The following CYTH3 variants were observed in gnomAD, a reference collection of about 807,000 sequenced individuals.
CYTH3 encodes cytohesin-3.
CYTH3 carries 23 observed loss-of-function variants against 55.1 expected under a neutral mutation model. The ratio of observed to expected loss-of-function variants is 0.42; its 90% confidence interval spans 0.30 to 0.59. CYTH3 has a LOEUF of 0.59. Among genes scored for constraint, CYTH3 ranks in the 20% least tolerant of loss-of-function variants. The pLI, the probability that CYTH3 is intolerant of heterozygous loss-of-function variation, is 0.20. For missense variants in CYTH3, 413 were observed against 524.8 expected, an observed-to-expected ratio of 0.79 and a Z score of 2.08; for synonymous variants, 249 against 194.9, an observed-to-expected ratio of 1.28 and a Z score of -2.31.
chr7:6,248,777 G>A (rs1779889494), intron 1 of CYTH3, among the ~76,000 whole-genome samples: 1 of 152,228 alleles, frequency 6.6e-6, no homozygotes, highest in Non-Finnish European at 1.5e-5. Flanking sequence ...AGGAAACAGA[G>A]TGATGAGTCA....
chr7:6,264,618 C>G (rs1780440101), intron 1 of CYTH3, among the ~76,000 whole-genome samples: 1 of 152,154 alleles, frequency 6.6e-6, no homozygotes, highest in African/African-American at 2.4e-5. Flanking sequence ...TCTCAAAAAA[C>G]TAACAAAAAC....
intron 4 of CYTH3, among the ~76,000 whole-genome samples, chr7:6,180,796 C>A (rs1355967316): frequency 2.6e-5 from 4 of 152,122 alleles, no homozygotes; most frequent in Admixed American, 2.6e-4. Flanking sequence ...CCCACTACAC[C>A]TACTCTATCT....
intron 1 of CYTH3, among the ~76,000 whole-genome samples, chr7:6,210,648 G>C (rs997563159): frequency 6.6e-6 from 1 of 152,102 alleles, no homozygotes; most frequent in African/African-American, 2.4e-5. Context: ...CATGCTGCTG[G>C]TGTCCCCAAA....
rs778901451 is a variant in CYTH3 at position 6,165,729 on chromosome 7, C to A, written c.900+5G>T. The A allele has an allele frequency of 6.2e-7, 1 of 1,614,180 alleles. No homozygotes were observed. On this transcript the variant is annotated splice_donor_5th_base_variant and intron_variant, in intron 10 of 12. Coordinates refer to ENST00000350796, the MANE Select transcript of CYTH3 (RefSeq NM_004227.4). Reference sequence around the variant, plus strand: ...AGGCGGCAAGGAGGCCTGGCCCTTACTTACTGTTGTGTATTCAAAGTAATA... The same window carrying A: ...AGGCGGCAAGGAGGCCTGGCCCTTAATTACTGTTGTGTATTCAAAGTAATA...
chr7:6,196,359 A>G (rs1380160229), intron 1 of CYTH3, among the ~76,000 whole-genome samples: 1 of 152,184 alleles, frequency 6.6e-6, no homozygotes, highest in Non-Finnish European at 1.5e-5. Context: ...TCGAATGCCC[A>G]GAGAGATCAA....
chr7:6,190,427 GGT>G lies in CYTH3; in HGVS notation c.117+20_117+21del. 16 of 1,247,474 alleles carry G rather than the reference GGT, an allele frequency of 1.3e-5. No homozygotes were observed. The highest frequency in any genetic ancestry group is 3.7e-5 in the Admixed American group (1 of 26,862). The allele number at this position is 1,247,474 out of a possible 1,614,324, so 77.3% of individuals were successfully genotyped here. Reference sequence around the variant, plus strand: ...GCAAAAAACAGAGTTTTGGATTTTTGGTTTTTTTTTTTTTTTTTTACCTCAAT... The same window carrying G: ...GCAAAAAACAGAGTTTTGGATTTTTGTTTTTTTTTTTTTTTTTACCTCAAT... On this transcript the variant is annotated intron_variant, in intron 2 of 12. Coordinates refer to ENST00000350796, the MANE Select transcript of CYTH3 (RefSeq NM_004227.4).
At position 6,165,362 on chromosome 7, in the gene CYTH3, G is replaced by A. The variant is rs765997383; in HGVS notation, c.1038C>T (p.Ala346=). 49 of 1,614,036 alleles carry A rather than the reference G, an allele frequency of 3.0e-5. No individual in the cohort carries two copies. The highest frequency in any genetic ancestry group is 3.3e-4 in the Middle Eastern group (2 of 6,084). The change falls in exon 12 of 13, where the codon GCC becomes GCT. Residue 346 remains alanine, a synonymous_variant. Coordinates refer to ENST00000350796, the MANE Select transcript of CYTH3 (RefSeq NM_004227.4). ...GQVIKACKTE[A]DGRVVEGNHV... is the part of the protein sequence containing the mutation. ...GGTTCCCCTCTACCACGCGGCCGTC[G>A]GCCTCAGTCTTACAGGCCTTGATGA...
At chr7:6,186,243 CA>C (rs35117209) in intron 4 of CYTH3, among the ~76,000 whole-genome samples, 22,787 of 77,142 alleles carry the variant, frequency 0.3, 3,000 homozygotes, top group East Asian at 0.65. Context: ...GACTCTATCT[CA>C]AAAAAAAAAA....
intron 1 of CYTH3, among the ~76,000 whole-genome samples, chr7:6,194,918 T>C (rs1286192409): frequency 6.6e-6 from 1 of 151,888 alleles, no homozygotes; most frequent in Non-Finnish European, 1.5e-5. Flanking sequence ...GAAGTTGCAG[T>C]GAGCCGAGAT....
chr7:6,250,658 TG>T (rs1190845258), intron 1 of CYTH3, among the ~76,000 whole-genome samples: 1 of 152,162 alleles, frequency 6.6e-6, no homozygotes, highest in Non-Finnish European at 1.5e-5. Context: ...AAAAAGTCAA[TG>T]AATGACTGCC....
At chr7:6,259,781 TA>T (rs1346945988) in intron 1 of CYTH3, among the ~76,000 whole-genome samples, 3 of 19,122 alleles carry the variant, frequency 1.6e-4, no homozygotes, top group African/African-American at 9.3e-4. Flanking sequence ...ATTATATATA[TA>T]TAATATATAT....
intron 1 of CYTH3, among the ~76,000 whole-genome samples, chr7:6,201,849 C>T (rs1013465387): frequency 1.3e-5 from 2 of 151,692 alleles, no homozygotes; most frequent in Non-Finnish European, 2.9e-5. Flanking sequence ...GCTCAAAATG[C>T]CCAAATTGGG....
intron 1 of CYTH3, among the ~76,000 whole-genome samples, chr7:6,256,806 C>A (rs545263851): frequency 1.3e-5 from 2 of 152,298 alleles, no homozygotes; most frequent in African/African-American, 4.8e-5. Flanking sequence ...CAAGGGAGGG[C>A]AGGACACACC....
chr7:6,175,701 T>A (rs1783334633), intron 5 of CYTH3, among the ~76,000 whole-genome samples: 2 of 151,848 alleles, frequency 1.3e-5, no homozygotes, highest in East Asian at 3.9e-4. Context: ...ACACCTGCCA[T>A]CATGTCTGGC....
chr7:6,171,453 G>C lies in CYTH3; in HGVS notation c.450-139C>G. ...GCTCTGGCAGGGGCTTGGGGGCGCAGAGACAGAAAGGAGAAGACCCAGGAC... is the reference window on the plus strand; with the variant it reads ...GCTCTGGCAGGGGCTTGGGGGCGCACAGACAGAAAGGAGAAGACCCAGGAC... On this transcript the variant is annotated intron_variant, in intron 6 of 12. Transcript: ENST00000350796. The surrounding 1 kb of genome is among the most constrained non-coding windows in gnomAD (Gnocchi z 6.7). 1 of 674,438 alleles carries C rather than the reference G, an allele frequency of 1.5e-6. No homozygotes were observed. Among genetic ancestry groups the C allele is most frequent in the Admixed American group, 2.6e-5 (1 of 38,432 alleles). The allele number at this position is 674,438 out of a possible 1,614,324, so 41.8% of individuals were successfully genotyped here.
intron 1 of CYTH3, among the ~76,000 whole-genome samples, chr7:6,240,008 T>A (rs559931061): frequency 6.6e-6 from 1 of 152,230 alleles, no homozygotes; most frequent in Admixed American, 6.5e-5. Context: ...TTTAATGCAA[T>A]CAGAATGAAA....
At chr7:6,218,734 C>T (rs1026777228) in intron 1 of CYTH3, among the ~76,000 whole-genome samples, 1 of 152,068 alleles carries the variant, frequency 6.6e-6, no homozygotes, top group African/African-American at 2.4e-5. Context: ...TTGCCAGGCA[C>T]GGTGGCTCAT....
intron 1 of CYTH3, among the ~76,000 whole-genome samples, chr7:6,192,469 C>T (rs1039774569): frequency 3.3e-5 from 5 of 151,632 alleles, no homozygotes; most frequent in Non-Finnish European, 7.4e-5. Context: ...AAAACTCCTA[C>T]CTTGGCCTCC....
intron 1 of CYTH3, among the ~76,000 whole-genome samples, chr7:6,263,208 C>T (rs1161831310): frequency 6.6e-6 from 1 of 152,072 alleles, no homozygotes; most frequent in Non-Finnish European, 1.5e-5. Context: ...TATATTTTGT[C>T]ACTATAAAGC....
Sources: allele counts gnomAD v4.1 joint callset (sites outside exome capture counted in the v4.1 genomes callset), GRCh38; gene constraint gnomAD v4.1.1; non-coding constraint Gnocchi (gnomAD v3.1); transcripts MANE v1.5; gene names NCBI Gene and HGNC (gene_info 2026-07-23, HGNC 2026-07-21).